Variants in MAP4 observed in about 807,000 individuals in gnomAD.
The protein encoded by MAP4 is microtubule-associated protein 4.
MAP4 carries 76 observed loss-of-function variants against 170.2 expected under a neutral mutation model. The ratio of observed to expected loss-of-function variants is 0.45; its 90% CI spans 0.37 to 0.54. The LOEUF (loss-of-function observed/expected upper bound fraction) is 0.54, where lower values mean the gene tolerates loss of function less well. Ranked by LOEUF, MAP4 falls within the 20% of genes least tolerant of loss-of-function variation. The pLI is 0.00. For missense variants in MAP4, 2,506 were observed against 2,748.0 expected (o/e 0.91, Z 1.97); for synonymous variants, 909 against 994.5 (o/e 0.91, Z 1.62).
intron 1 of MAP4, among the ~76,000 whole-genome samples, chr3:48,055,735 C>T (rs2100130790): frequency 9.8e-6 from 1 of 101,850 alleles, no homozygotes; most frequent in Admixed American, 9.8e-5. Context: ...CTCCGCCCGG[C>T]CGCCATCCCA....
chr3:47,990,810 A>T (rs982394081), intron 2 of MAP4, among the ~76,000 whole-genome samples: 4 of 147,310 alleles, frequency 2.7e-5, no homozygotes, highest in Non-Finnish European at 5.9e-5. Flanking sequence ...TTTTTTAAGG[A>T]AAAAAGTCAG....
In MAP4 at chr3:47,857,007, C is replaced by T. The variant is rs911164895; in HGVS notation, c.6583+424G>A. On this transcript the variant is annotated intron_variant, in intron 18 of 20. Transcript: ENST00000683076. ...CCTCCCATTCTCCTGCCAGGGCTAG[C>T]GGCTGATGCTTCACTGGTTGGGAGC... Among the ~76,000 whole-genome samples, 15 of 152,244 alleles carry T rather than the reference C, an allele frequency of 9.9e-5. 1 individual carries two copies. In the South Asian group the frequency reaches 1.4e-3, roughly 15 times the overall value.
At chr3:48,048,597 A>C (rs2100125839) in intron 1 of MAP4, among the ~76,000 whole-genome samples, 1 of 134,408 alleles carries the variant, frequency 7.4e-6, no homozygotes, top group African/African-American at 2.9e-5. Flanking sequence ...GGCTCACTGC[A>C]TCCTCAACCT....
intron 2 of MAP4, among the ~76,000 whole-genome samples, chr3:47,988,253 C>A (rs940647374): frequency 3.3e-5 from 3 of 91,652 alleles, no homozygotes; most frequent in African/African-American, 9.0e-5. Flanking sequence ...GAGATTCAGA[C>A]AGGATTTTTT....
intron 10 of MAP4, among the ~76,000 whole-genome samples, chr3:47,879,894 C>T (rs777487727): frequency 3.3e-4 from 50 of 152,170 alleles, no homozygotes; most frequent in Non-Finnish European, 5.6e-4. Flanking sequence ...AAGTAGATAT[C>T]CTTGCCTTGT....
At chr3:47,856,443 G>A (rs1280829195) in intron 18 of MAP4, among the ~76,000 whole-genome samples, 1 of 152,154 alleles carries the variant, frequency 6.6e-6, no homozygotes, top group Non-Finnish European at 1.5e-5. Flanking sequence ...TTCGCTGAGA[G>A]GGAAAGGGAG....
chr3:47,925,583 G>A (rs188288108), intron 4 of MAP4, among the ~76,000 whole-genome samples: 17 of 152,116 alleles, frequency 1.1e-4, no homozygotes, highest in African/African-American at 4.1e-4. Context: ...ACAAAATGCA[G>A]GACTCCTCAA....
chr3:48,083,290 A>G (rs2100147500), intron 1 of MAP4, among the ~76,000 whole-genome samples: 1 of 152,262 alleles, frequency 6.6e-6, no homozygotes. Context: ...CTACCTTTAC[A>G]ACTCTTCTGT....
intron 3 of MAP4, among the ~76,000 whole-genome samples, chr3:47,944,511 T>C (rs1174269820): frequency 6.6e-6 from 1 of 152,020 alleles, no homozygotes; most frequent in Non-Finnish European, 1.5e-5. Context: ...TTCCTTCCTA[T>C]TTATGAGAAA....
chr3:47,945,949 T>C (rs889454128), intron 3 of MAP4, among the ~76,000 whole-genome samples: 2 of 151,780 alleles, frequency 1.3e-5, no homozygotes, highest in South Asian at 4.2e-4. Flanking sequence ...ATTTTATTTT[T>C]TTTGAGATGG....
chr3:47,853,918 G>A (rs1424307846), intron 19 of MAP4, among the ~76,000 whole-genome samples: 1 of 152,174 alleles, frequency 6.6e-6, no homozygotes, highest in Non-Finnish European at 1.5e-5. Context: ...TATAACCCAG[G>A]GACACTGTGG....
intron 1 of MAP4, among the ~76,000 whole-genome samples, chr3:48,012,001 G>GAGA: frequency 6.6e-6 from 1 of 152,290 alleles, no homozygotes; most frequent in East Asian, 1.9e-4. Context: ...GGTAAATCCT[G>GAGA]AGATCGGATT....
intron 10 of MAP4, chr3:47,892,640 T>C: frequency 7.1e-7 from 1 of 1,405,156 alleles, no homozygotes; most frequent in Non-Finnish European, 9.2e-7. Context: ...CCTCAAGCAG[T>C]TGAGTATTAA....
intron 1 of MAP4, among the ~76,000 whole-genome samples, chr3:48,072,209 C>A (rs1304065100): frequency 1.3e-5 from 2 of 151,452 alleles, no homozygotes; most frequent in East Asian, 2.0e-4. Context: ...ACTACTACTA[C>A]TACTAATAAT....
intron 1 of MAP4, among the ~76,000 whole-genome samples, chr3:48,061,096 C>A (rs371201793): frequency 6.6e-6 from 1 of 152,068 alleles, no homozygotes; most frequent in Non-Finnish European, 1.5e-5. Flanking sequence ...CCACCCACCT[C>A]GGCCTTCCAA....
intron 13 of MAP4, 60 bp from the exon 14 acceptor site, chr3:47,871,346 C>G: frequency 1.5e-6 from 2 of 1,305,898 alleles, no homozygotes; most frequent in Non-Finnish European, 2.2e-6. Flanking sequence ...GATAGTTCAT[C>G]CAATAGTGAG....
At chr3:48,061,808 C>T (rs1226386984) in intron 1 of MAP4, among the ~76,000 whole-genome samples, 3 of 151,652 alleles carry the variant, frequency 2.0e-5, no homozygotes, top group Non-Finnish European at 4.4e-5. Flanking sequence ...GCAGCCCCCA[C>T]CCGGCCAGCC....
chr3:48,004,474 A>C (rs1268321145), intron 1 of MAP4, among the ~76,000 whole-genome samples: 1 of 152,232 alleles, frequency 6.6e-6, no homozygotes, highest in Admixed American at 6.5e-5. Flanking sequence ...GTGATGAAAG[A>C]AAATGATGAA....
chr3:47,919,334 G>T lies in MAP4; in HGVS notation c.530-493C>A, dbSNP rs565440653. On this transcript the variant is annotated intron_variant, in intron 5 of 20. Transcript: ENST00000683076. ...GTTTTTTTTCTTTTTTTGAGACAGA[G>T]TCTCGCACTGTCGCCTGGGCTGGAG... is the stretch of plus-strand genomic sequence containing the variant. Among the ~76,000 whole-genome samples, 310 of 151,710 alleles carry T rather than the reference G, an allele frequency of 2.0e-3. 1 individual carries two copies. Among genetic ancestry groups the T allele is most frequent in the African/African-American group, 7.1e-3 (292 of 41,346 alleles).
Sources: allele counts gnomAD v4.1 joint callset (sites outside exome capture counted in the v4.1 genomes callset), GRCh38; gene constraint gnomAD v4.1.1; transcripts MANE v1.5; gene names NCBI Gene and HGNC (gene_info 2026-07-23, HGNC 2026-07-21).